Variants in ACSS3 observed in about 807,000 individuals in gnomAD.
ACSS3 encodes the protein acyl-CoA synthetase short chain family member 3, also known as acyl-CoA synthetase short-chain family member 3, mitochondrial.
ACSS3 carries 64 observed loss-of-function variants against 84.2 expected under a neutral mutation model. The ratio of observed to expected loss-of-function variants is 0.76; its 90% CI spans 0.62 to 0.94. ACSS3 has a LOEUF of 0.94. Ranked by LOEUF, ACSS3 falls within the 40% of genes least tolerant of loss-of-function variation. The pLI, the probability that ACSS3 is intolerant of heterozygous loss-of-function variation, is 0.00. For missense variants in ACSS3, 815 were observed against 867.6 expected, an observed-to-expected ratio of 0.94 and a Z score of 0.76; for synonymous variants, 317 against 310.1, an observed-to-expected ratio of 1.02 and a Z score of -0.23.
intron 8 of ACSS3, among the ~76,000 whole-genome samples, chr12:81,179,766 G>A (rs1411277155): frequency 1.8e-4 from 7 of 39,298 alleles, no homozygotes; most frequent in African/African-American, 4.3e-4. Context: ...GTGACAGAGC[G>A]AGACTCCGTC....
At chr12:81,096,730 T>G (rs1416024546) in intron 1 of ACSS3, among the ~76,000 whole-genome samples, 1 of 152,112 alleles carries the variant, frequency 6.6e-6, no homozygotes, top group Non-Finnish European at 1.5e-5. Context: ...TGTTTGGTTT[T>G]CTGTTCCTGT....
At chr12:81,082,103 T>A (rs1310020322) in intron 1 of ACSS3, among the ~76,000 whole-genome samples, 1 of 152,208 alleles carries the variant, frequency 6.6e-6, no homozygotes, top group East Asian at 1.9e-4. Context: ...GGGGTACATG[T>A]GCAGGTTTGT....
intron 2 of ACSS3, among the ~76,000 whole-genome samples, chr12:81,110,465 A>C (rs1883482526): frequency 2.0e-5 from 3 of 152,178 alleles, no homozygotes; most frequent in Admixed American, 1.3e-4. Context: ...GGTAGAAATA[A>C]GGCCTCAGAA....
At chr12:81,250,824 T>G (rs2034128243) in intron 13 of ACSS3, among the ~76,000 whole-genome samples, 1 of 152,188 alleles carries the variant, frequency 6.6e-6, no homozygotes, top group Non-Finnish European at 1.5e-5. Flanking sequence ...CAAGTCAGAA[T>G]TCATAGCATC....
At chr12:81,218,200 T>C (rs1363268675) in intron 10 of ACSS3, among the ~76,000 whole-genome samples, 1 of 152,154 alleles carries the variant, frequency 6.6e-6, no homozygotes. Flanking sequence ...CTACTAATAT[T>C]TCAGAAAAGT....
chr12:81,229,989 T>C (rs888589541), intron 11 of ACSS3, among the ~76,000 whole-genome samples: 48 of 151,882 alleles, frequency 3.2e-4, no homozygotes, highest in Non-Finnish European at 6.3e-4. Context: ...GGTGGCCATG[T>C]GACCACACTG....
intron 11 of ACSS3, among the ~76,000 whole-genome samples, chr12:81,224,197 A>AT (rs1480527993): frequency 6.6e-6 from 1 of 151,992 alleles, no homozygotes; most frequent in African/African-American, 2.4e-5. Context: ...AAGGATGAGT[A>AT]TAGGTATTAA....
intron 9 of ACSS3, among the ~76,000 whole-genome samples, chr12:81,213,957 C>CTCTTTCTT (rs59556127): frequency 0.081 from 3,952 of 48,934 alleles, 247 homozygotes; most frequent in East Asian, 0.13. Context: ...CTCCCTCTCT[C>CTCTTTCTT]TCTTTCTTTC....
intron 7 of ACSS3, among the ~76,000 whole-genome samples, chr12:81,166,660 G>A (rs577075424): frequency 8.9e-4 from 136 of 152,330 alleles, no homozygotes; most frequent in African/African-American, 3.2e-3. Flanking sequence ...AGAGCACTTT[G>A]GTGATCAGGG....
chr12:81,126,866 A>T (rs879630413), intron 2 of ACSS3, among the ~76,000 whole-genome samples: 4 of 151,968 alleles, frequency 2.6e-5, no homozygotes, highest in South Asian at 2.1e-4. Context: ...AATGGTATTT[A>T]CTCTTTCATT....
chr12:81,098,481 C>T (rs569573311), intron 1 of ACSS3, among the ~76,000 whole-genome samples: 2 of 152,152 alleles, frequency 1.3e-5, no homozygotes, highest in Middle Eastern at 3.4e-3. Context: ...AAATTAGTTT[C>T]CTTGTATGTC....
In ACSS3 at chr12:81,231,802, C is replaced by T. The variant is rs1230095783; in HGVS notation, c.1596+664C>T. On this transcript the variant is annotated intron_variant, in intron 12 of 15. Transcript: ENST00000548058. ...GATGTGTGTTATGTTTATAACAGCA[C>T]TTCATTAATAAAGCACATCAGGTTC... 2.6e-5 allele frequency among the ~76,000 whole-genome samples: 4 copies of T among 151,672 alleles called. No individual in the cohort carries two copies. The East Asian group carries it at 5.8e-4, about 22-fold the overall frequency.
At position 81,254,868 on chromosome 12, in the gene ACSS3, A is replaced by G; in HGVS notation, c.2007A>G (p.Thr669=). 6.2e-7 allele frequency: 1 copy of G among 1,608,368 alleles called. No individual in the cohort carries two copies. Among genetic ancestry groups the G allele is most frequent in the East Asian group, 2.2e-5 (1 of 44,542 alleles). ...AATTTTTTTTCCAGATAACTTCTAC[A>G]ATTGAAGACCCCAGCATTTTTGGCC... ...VNGKPYKITS[T]IEDPSIFGHV... Residue 669 remains threonine, a synonymous_variant, in exon 16 of 16, where the codon ACA becomes ACG. Coordinates refer to ENST00000548058, the MANE Select transcript of ACSS3 (RefSeq NM_024560.4).
intron 8 of ACSS3, among the ~76,000 whole-genome samples, chr12:81,178,623 A>G (rs185715824): frequency 7.9e-5 from 12 of 152,258 alleles, no homozygotes; most frequent in Admixed American, 3.3e-4. Context: ...GAATTACAGA[A>G]CACTACTGAT....
Position 81,137,825 on chromosome 12 carries a change from A to G in ACSS3, c.646-1306A>G, listed in dbSNP as rs532002972. ...TATTATAGATATTAAAATGTGAATTATATTCAAATGTCTGACCTTTAAAAA... is the reference window on the plus strand; with the variant it reads ...TATTATAGATATTAAAATGTGAATTGTATTCAAATGTCTGACCTTTAAAAA... On this transcript the variant is annotated intron_variant, in intron 3 of 15. Coordinates refer to ENST00000548058, the MANE Select transcript of ACSS3 (RefSeq NM_024560.4). 5.3e-5 allele frequency among the ~76,000 whole-genome samples: 8 copies of G among 152,316 alleles called. No homozygotes were observed. In the South Asian group the frequency reaches 1.2e-3, roughly 24 times the overall value.
At chr12:81,238,199 G>A (rs1028651949) in intron 13 of ACSS3, among the ~76,000 whole-genome samples, 7 of 151,566 alleles carry the variant, frequency 4.6e-5, no homozygotes, top group South Asian at 2.1e-4. Flanking sequence ...TGTATACCTG[G>A]GGTAAATTCC....
At chr12:81,196,740 A>G (rs1258585866) in intron 8 of ACSS3, among the ~76,000 whole-genome samples, 3 of 152,084 alleles carry the variant, frequency 2.0e-5, no homozygotes, top group Non-Finnish European at 2.9e-5. Flanking sequence ...GGAAGGCTCA[A>G]GGAGAGCAGG....
intron 1 of ACSS3, among the ~76,000 whole-genome samples, chr12:81,101,602 C>T (rs915303769): frequency 1.3e-5 from 2 of 152,092 alleles, no homozygotes; most frequent in Admixed American, 1.3e-4. Flanking sequence ...ATCACATATA[C>T]ATTGCATTCC....
intron 2 of ACSS3, among the ~76,000 whole-genome samples, chr12:81,131,804 A>G (rs971728266): frequency 1.3e-5 from 2 of 152,176 alleles, no homozygotes; most frequent in Middle Eastern, 3.2e-3. Flanking sequence ...ACATCCCAAC[A>G]ATACCTAGTC....
Sources: allele counts gnomAD v4.1 joint callset (sites outside exome capture counted in the v4.1 genomes callset), GRCh38; gene constraint gnomAD v4.1.1; transcripts MANE v1.5; gene names NCBI Gene and HGNC (gene_info 2026-07-23, HGNC 2026-07-21).